The following MYO3A variants were observed in gnomAD, a reference collection of about 807,000 sequenced individuals.
MYO3A encodes myosin IIIA.
MYO3A carries 180 observed loss-of-function variants against 192.7 expected under a neutral mutation model. The ratio of observed to expected loss-of-function variants is 0.93; its 90% CI spans 0.83 to 1.06. The LOEUF is 1.06. MYO3A is among the 50% of genes least tolerant of loss of function. The probability of loss-of-function intolerance (pLI) is 0.00; values close to 1 mark genes in which losing one functional copy is unlikely to be tolerated. For synonymous variants in MYO3A, 628 were observed against 645.3 expected (o/e 0.97, Z 0.41); for missense variants, 1,896 against 1,905.0 (o/e 1.00, Z 0.09).
At chr10:25,938,553 A>C (rs1181323208) in intron 2 of MYO3A, among the ~76,000 whole-genome samples, 1 of 152,208 alleles carries the variant, frequency 6.6e-6, no homozygotes, top group Non-Finnish European at 1.5e-5. Flanking sequence ...TTCTTCCATC[A>C]TAGGCAGCAA....
chr10:25,942,885 A>G (rs541491817), intron 2 of MYO3A, among the ~76,000 whole-genome samples: 1 of 150,978 alleles, frequency 6.6e-6, no homozygotes, highest in South Asian at 2.1e-4. Flanking sequence ...CATTGTGAAG[A>G]TTGTCTTTTC....
intron 17 of MYO3A, among the ~76,000 whole-genome samples, chr10:26,102,369 T>C (rs1220372760): frequency 6.6e-6 from 1 of 152,176 alleles, no homozygotes; most frequent in Non-Finnish European, 1.5e-5. Context: ...AAGTCTGTTA[T>C]TACCGATCAT....
At chr10:25,987,760 A>T (rs1308456746) in intron 4 of MYO3A, among the ~76,000 whole-genome samples, 1 of 152,196 alleles carries the variant, frequency 6.6e-6, no homozygotes, top group Non-Finnish European at 1.5e-5. Context: ...TCCCATCAAC[A>T]CCACTATGGA....
chr10:26,008,757 G>A (rs149163424), intron 6 of MYO3A, among the ~76,000 whole-genome samples: 11,418 of 147,624 alleles, frequency 0.077, 1,011 homozygotes, highest in African/African-American at 0.2. Flanking sequence ...TGGAGAAATA[G>A]GAACACTTTC....
At chr10:26,152,530 A>G (rs1177223916) in intron 23 of MYO3A, among the ~76,000 whole-genome samples, 2 of 152,188 alleles carry the variant, frequency 1.3e-5, no homozygotes, top group Non-Finnish European at 2.9e-5. Flanking sequence ...TTTTTAGGGG[A>G]AAGTGCACCA....
At chr10:26,157,992 A>G (rs140480663) in intron 26 of MYO3A, among the ~76,000 whole-genome samples, 243 of 152,230 alleles carry the variant, frequency 1.6e-3, no homozygotes, top group African/African-American at 5.7e-3. Context: ...AATTTACAGG[A>G]TGGCCTCCCC....
intron 26 of MYO3A, among the ~76,000 whole-genome samples, chr10:26,164,206 C>A (rs60461354): frequency 2.0e-5 from 3 of 152,238 alleles, no homozygotes; most frequent in African/African-American, 7.2e-5. Flanking sequence ...ATCAGCAAAG[C>A]TAGTGGAAGA....
rs1428590319 is a variant in MYO3A at position 26,062,515 on chromosome 10, C to T, written c.954-4460C>T. On this transcript the variant is annotated intron_variant, in intron 10 of 34. Transcript: ENST00000642920. ...CTGGCGACAGAGTGAGATGCCATCTCAAAAAAAAAAAAAAAAAATTATGGA... is the reference window on the plus strand; with the variant it reads ...CTGGCGACAGAGTGAGATGCCATCTTAAAAAAAAAAAAAAAAAATTATGGA... Among the ~76,000 whole-genome samples the T allele has an allele frequency of 3.2e-3, 136 of 42,244 alleles. 6 individuals carry two copies. Among genetic ancestry groups the T allele is most frequent in the Non-Finnish European group, 4.9e-3 (78 of 16,014 alleles). 27.7% of individuals were successfully genotyped at this position (42,244 alleles called of 152,430 possible).
intron 4 of MYO3A, among the ~76,000 whole-genome samples, chr10:25,957,757 T>C (rs1377518125): frequency 1.3e-5 from 2 of 152,208 alleles, no homozygotes; most frequent in East Asian, 1.9e-4. Context: ...CAATATCTGT[T>C]ATTTTTTGAC....
At chr10:26,067,231 A>G (rs1196649739) in intron 11 of MYO3A, among the ~76,000 whole-genome samples, 157 bp downstream of exon 11, 4 of 152,230 alleles carry the variant, frequency 2.6e-5, no homozygotes, top group Non-Finnish European at 5.9e-5. Context: ...TGTAAGTCTC[A>G]TGCTTTCTTT....
At chr10:26,152,273 A>G (rs1239242626) in intron 23 of MYO3A, among the ~76,000 whole-genome samples, 1 of 152,266 alleles carries the variant, frequency 6.6e-6, no homozygotes, top group African/African-American at 2.4e-5. Context: ...CAACTTTGTT[A>G]TCTATTATGT....
chr10:26,194,455 C>T (rs1843308679), intron 32 of MYO3A, among the ~76,000 whole-genome samples: 1 of 152,174 alleles, frequency 6.6e-6, no homozygotes, highest in East Asian at 1.9e-4. Flanking sequence ...CACCCTCTGG[C>T]TGGTCCCTCC....
chr10:26,149,124 T>C (rs561231687), intron 23 of MYO3A, among the ~76,000 whole-genome samples: 1 of 152,210 alleles, frequency 6.6e-6, no homozygotes, highest in East Asian at 1.9e-4. Context: ...ATGTTAACTG[T>C]AGATTTTTTC....
At chr10:26,079,289 T>C (rs1252130724) in intron 14 of MYO3A, among the ~76,000 whole-genome samples, 1 of 151,992 alleles carries the variant, frequency 6.6e-6, no homozygotes, top group Non-Finnish European at 1.5e-5. Flanking sequence ...CTTTTAAAGT[T>C]TGTTTTGTCT....
At chr10:26,154,061 A>G (rs1000691696) in intron 24 of MYO3A, 132 bp downstream of exon 24, 9 of 707,294 alleles carry the variant, frequency 1.3e-5, no homozygotes, top group Non-Finnish European at 1.8e-5. Context: ...TTCTGTTTGA[A>G]CAGATATTTA....
intron 10 of MYO3A, among the ~76,000 whole-genome samples, chr10:26,026,862 T>G (rs1842574343): frequency 6.6e-6 from 1 of 152,106 alleles, no homozygotes; most frequent in African/African-American, 2.4e-5. Context: ...CCACCATGCC[T>G]GGCTAATTTT....
At chr10:26,143,679 T>A in intron 21 of MYO3A, 78 bp downstream of exon 21, 1 of 1,545,016 alleles carries the variant, frequency 6.5e-7, no homozygotes, top group Non-Finnish European at 8.9e-7. Flanking sequence ...TAAATGGCTT[T>A]AAATTATCTG....
Position 26,173,766 on chromosome 10 carries a change from A to G in MYO3A, c.3502A>G (p.Thr1168Ala), listed in dbSNP as rs1842170907. The change falls in exon 30 of 35, where the codon ACT becomes GCT. Residue 1168 changes from threonine (T) to alanine (A), a missense_variant. Thr to Ala is a moderately conservative substitution (Grantham distance 58). Coordinates refer to ENST00000642920, the MANE Select transcript of MYO3A (RefSeq NM_017433.5). ...KGSVSVVKTS[T>A]FKPEEETTNA... Reference sequence around the variant, plus strand: ...AAGTGTATCTGTAGTGAAGACTTCCACTTTCAAACCTGAAGAGGAAACCAC... The same window carrying G: ...AAGTGTATCTGTAGTGAAGACTTCCGCTTTCAAACCTGAAGAGGAAACCAC... 2 of 1,614,076 alleles carry G rather than the reference A, an allele frequency of 1.2e-6. No individual in the cohort carries two copies. The highest frequency in any genetic ancestry group is 1.7e-6 in the Non-Finnish European group (2 of 1,179,946).
At chr10:26,079,970 T>G (rs1489670672) in intron 14 of MYO3A, among the ~76,000 whole-genome samples, 1 of 152,188 alleles carries the variant, frequency 6.6e-6, no homozygotes, top group East Asian at 1.9e-4. Flanking sequence ...TCATCTTAAT[T>G]TTGGATAACC....
Sources: gnomAD v4.1 joint callset for allele counts (sites outside exome capture counted in the v4.1 genomes callset) on GRCh38, gnomAD v4.1.1 for gene constraint, MANE v1.5 for transcripts, NCBI Gene and HGNC (gene_info 2026-07-23, HGNC 2026-07-21) for gene names.